Variants in OTOGL observed in about 807,000 individuals in gnomAD.
OTOGL encodes otogelin like.
OTOGL carries 285 observed loss-of-function variants against 318.5 expected under a neutral mutation model. That is an observed-to-expected ratio of 0.89 (90% CI 0.81 to 0.99). The LOEUF (loss-of-function observed/expected upper bound fraction) is 0.99. Ranked by LOEUF, OTOGL falls within the 50% of genes least tolerant of loss-of-function variation. OTOGL has a pLI of 0.00. For synonymous variants in OTOGL, 987 were observed against 936.5 expected, an observed-to-expected ratio of 1.05 and a Z score of -0.99; for missense variants, 2,899 against 2,845.6, an observed-to-expected ratio of 1.02 and a Z score of -0.43.
rs1873138282 is a variant in OTOGL at position 80,156,610 on chromosome 12, T to C, written c.-19-52803T>C. ...AGTCTTTCCCATGCTGTTCTAGTGA[T>C]AGTGAACAAGTCTCATGAGATCTGA... is the stretch of plus-strand genomic sequence containing the variant. On this transcript the variant is annotated intron_variant, in intron 1 of 58. Coordinates refer to ENST00000547103, the MANE Select transcript of OTOGL (RefSeq NM_001378609.3). Among the ~76,000 whole-genome samples, 5 of 152,126 alleles carry C rather than the reference T, an allele frequency of 3.3e-5. No homozygotes were observed. The South Asian group carries it at 1.0e-3, about 32-fold the overall frequency.
chr12:80,219,077 T>G (rs1314949830), intron 5 of OTOGL, among the ~76,000 whole-genome samples: 1 of 152,124 alleles, frequency 6.6e-6, no homozygotes, highest in East Asian at 1.9e-4. Context: ...AGTTTTATGC[T>G]TTGCCTGATC....
At chr12:80,144,500 G>A (rs931270265) in intron 1 of OTOGL, among the ~76,000 whole-genome samples, 2 of 148,648 alleles carry the variant, frequency 1.3e-5, no homozygotes, top group African/African-American at 2.6e-5. Flanking sequence ...ATTGTGAATA[G>A]TGCCGCAATA....
intron 1 of OTOGL, among the ~76,000 whole-genome samples, chr12:80,112,701 T>A (rs995252051): frequency 1.0e-4 from 14 of 139,050 alleles, no homozygotes; most frequent in Admixed American, 1.0e-3. Flanking sequence ...TTGCCTGAAA[T>A]TTTCTTTCTT....
At chr12:80,105,257 G>A (rs1482768237) in intron 1 of OTOGL, among the ~76,000 whole-genome samples, 1 of 152,084 alleles carries the variant, frequency 6.6e-6, no homozygotes, top group Admixed American at 6.6e-5. Flanking sequence ...TAAAACATAT[G>A]TGGAGAAAAA....
rs577070167 is a variant in OTOGL at position 80,288,724 on chromosome 12, G to A, written c.2929-8103G>A. On this transcript the variant is annotated intron_variant, in intron 26 of 58. Transcript: ENST00000547103. ...TTTGTATGCTTCACGAAGTTCTCATGTTGTGTCTTTCAACTCCACCAGGTC... is the reference window on the plus strand; with the variant it reads ...TTTGTATGCTTCACGAAGTTCTCATATTGTGTCTTTCAACTCCACCAGGTC... Among the ~76,000 whole-genome samples, 22 of 151,978 alleles carry A rather than the reference G, an allele frequency of 1.4e-4. No individual in the cohort carries two copies. In the South Asian group the frequency reaches 4.6e-3, roughly 32 times the overall value.
In OTOGL at chr12:80,195,147, T is replaced by C. The variant is rs551767761; in HGVS notation, c.-19-14266T>C. ...CTATTATAACTAATCTTTGGAATGA[T>C]TCAACATTATGTGATTTATAAACTG... is the stretch of plus-strand genomic sequence containing the variant. On this transcript the variant is annotated intron_variant, in intron 1 of 58. Transcript: ENST00000547103. Among the ~76,000 whole-genome samples the C allele has an allele frequency of 5.3e-5, 8 of 152,364 alleles. No homozygotes were observed. The South Asian group carries it at 1.7e-3, about 32-fold the overall frequency.
At chr12:80,270,784 C>G (rs879274821) in intron 23 of OTOGL, among the ~76,000 whole-genome samples, 1 of 151,992 alleles carries the variant, frequency 6.6e-6, no homozygotes, top group Non-Finnish European at 1.5e-5. Context: ...TGTATTAGGA[C>G]CATATATATT....
At chr12:80,170,995 T>G (rs1318491436) in intron 1 of OTOGL, among the ~76,000 whole-genome samples, 1 of 152,232 alleles carries the variant, frequency 6.6e-6, no homozygotes, top group Non-Finnish European at 1.5e-5. Context: ...ACAATTTTTA[T>G]AGTTTCACAT....
At chr12:80,339,044 TTTC>T (rs1386422415) in intron 42 of OTOGL, 28 bp from the exon 43 acceptor site, 1 of 1,487,386 alleles carries the variant, frequency 6.7e-7, no homozygotes, top group South Asian at 1.2e-5. Flanking sequence ...TAAGTAAATA[TTTC>T]TTAACAGGTG....
chr12:80,250,865 A>C (rs1203554844), intron 11 of OTOGL, among the ~76,000 whole-genome samples: 1 of 152,202 alleles, frequency 6.6e-6, no homozygotes, highest in Non-Finnish European at 1.5e-5. Flanking sequence ...TGCTTACTTG[A>C]TAAGTGCCTT....
chr12:80,302,142 C>CTG (rs1236659967), intron 27 of OTOGL, among the ~76,000 whole-genome samples: 1 of 152,158 alleles, frequency 6.6e-6, no homozygotes, highest in Admixed American at 6.5e-5. Context: ...TGTCTCCTAC[C>CTG]AAACTTAATG....
intron 44 of OTOGL, 90 bp from the exon 45 acceptor site, chr12:80,352,205 C>T: frequency 8.5e-7 from 1 of 1,175,258 alleles, no homozygotes; most frequent in South Asian, 1.7e-5. Flanking sequence ...AACTTGCTAC[C>T]CTTTGATTCT....
chr12:80,180,108 G>C (rs1874817733), intron 1 of OTOGL, among the ~76,000 whole-genome samples: 1 of 152,058 alleles, frequency 6.6e-6, no homozygotes, highest in Non-Finnish European at 1.5e-5. Flanking sequence ...CCTGCAGATT[G>C]CTACTTTCAT....
chr12:80,148,423 G>A lies in OTOGL; in HGVS notation c.-20+48818G>A, dbSNP rs1276611872. On this transcript the variant is annotated intron_variant, in intron 1 of 58. Coordinates refer to ENST00000547103, the MANE Select transcript of OTOGL (RefSeq NM_001378609.3). ...TTGTAGGGTTTCTGCCGAGAGATCCGCTGTTAGTCTGATGGGCTTCCCTTT... is the reference window on the plus strand; with the variant it reads ...TTGTAGGGTTTCTGCCGAGAGATCCACTGTTAGTCTGATGGGCTTCCCTTT... 2.7e-5 allele frequency among the ~76,000 whole-genome samples: 4 copies of A among 149,664 alleles called. No homozygotes were observed. In the East Asian group the frequency reaches 5.8e-4, roughly 22 times the overall value.
intron 44 of OTOGL, among the ~76,000 whole-genome samples, chr12:80,349,019 T>C (rs1241599263): frequency 6.6e-6 from 1 of 152,180 alleles, no homozygotes; most frequent in African/African-American, 2.4e-5. Flanking sequence ...CAATAAATGA[T>C]AAAAGTGTTC....
chr12:80,312,083 T>C (rs1386860574), intron 30 of OTOGL, among the ~76,000 whole-genome samples: 1 of 152,246 alleles, frequency 6.6e-6, no homozygotes, highest in Non-Finnish European at 1.5e-5. Context: ...GATGTGTTTT[T>C]AGATTTCACA....
chr12:80,328,416 A>G (rs180804901), intron 35 of OTOGL, among the ~76,000 whole-genome samples: 10 of 152,302 alleles, frequency 6.6e-5, no homozygotes, highest in African/African-American at 2.2e-4. Flanking sequence ...GTGTGCCCCA[A>G]ATATAAGTGT....
rs375228478 is a variant in OTOGL, at chr12:80,211,915, T to G, written c.120-34T>G. ...GGCTTGTTCAGGTTGCCTAGGGGCC[T>G]TTGACTGTACAAGTTCTTTTTGTTT... is the stretch of plus-strand genomic sequence containing the variant. On this transcript the variant is annotated intron_variant, in intron 3 of 58. Transcript: ENST00000547103. 1,480 of 1,531,300 alleles carry G rather than the reference T, an allele frequency of 9.7e-4. 3 individuals are homozygous for G. Among genetic ancestry groups the G allele is most frequent in the Non-Finnish European group, 1.0e-3 (1,168 of 1,139,260 alleles). 94.9% of individuals were successfully genotyped at this position (1,531,300 alleles called of 1,614,324 possible). A position where few individuals can be genotyped will look rare whatever the true frequency, so the allele number is the denominator to read the frequency against.
intron 13 of OTOGL, 84 bp downstream of exon 13, chr12:80,252,285 C>T: frequency 7.1e-7 from 1 of 1,398,616 alleles, no homozygotes; most frequent in Non-Finnish European, 9.5e-7. Context: ...GTTTTGCTGT[C>T]CTTTCCCAGT....
Sources: allele counts gnomAD v4.1 joint callset (sites outside exome capture counted in the v4.1 genomes callset), GRCh38; gene constraint gnomAD v4.1.1; transcripts MANE v1.5; gene names NCBI Gene and HGNC (gene_info 2026-07-23, HGNC 2026-07-21).